Variants in RASA2 observed in about 807,000 individuals in gnomAD.
RASA2 encodes the protein ras GTPase-activating protein 2.
RASA2 carries 155 observed loss-of-function variants against 118.2 expected under a neutral mutation model. That is an observed-to-expected ratio of 1.31 (90% CI 1.15 to 1.50). The LOEUF (loss-of-function observed/expected upper bound fraction) is 1.50. Ranked by LOEUF, RASA2 falls within the 40% of genes most tolerant of loss-of-function variation. RASA2 has a pLI of 0.00. For synonymous variants in RASA2, 353 were observed against 349.1 expected (o/e 1.01, Z -0.12); for missense variants, 1,016 against 1,009.6 (o/e 1.01, Z -0.09).
At position 141,610,017 on chromosome 3, in the gene RASA2, C is replaced by T. The variant is rs926365845; in HGVS notation, c.2470C>T (p.His824Tyr). 3 of 1,603,280 alleles carry T rather than the reference C, an allele frequency of 1.9e-6. No individual in the cohort carries two copies. Among genetic ancestry groups the T allele is most frequent in the Non-Finnish European group, 2.6e-6 (3 of 1,175,230 alleles). Residue 824 changes from histidine to tyrosine, a missense_variant, in exon 23 of 24, where the codon CAT becomes TAT. Physicochemically the swap from His to Tyr is moderately conservative, Grantham distance 83. Around this residue, in one of 2 missense-constraint regions of RASA2, gnomAD observed 120 missense variants for 173.2 expected, o/e 0.69. Coordinates refer to ENST00000286364, the MANE Select transcript of RASA2 (RefSeq NM_006506.5). ...CATAATTGAGAAGCTGGATGAACCT[C>T]ATGAAAAATATAGGAAGAAAAGATC... Reference protein sequence around the residue: ...KSIIEKLDEPHEKYRKKRSSS... With the variant: ...KSIIEKLDEPYEKYRKKRSSS...
rs112021667 is a variant in RASA2, at chr3:141,589,841, CA to C, written c.1933+3099del. Among the ~76,000 whole-genome samples the C allele has an allele frequency of 8.4e-4, 107 of 127,080 alleles. 1 individual carries two copies. Among genetic ancestry groups the C allele is most frequent in the African/African-American group, 2.6e-3 (88 of 33,912 alleles). 83.4% of individuals were successfully genotyped at this position (127,080 alleles called of 152,430 possible). ...GGGTAACAGAATGAGGCTCTGTCTCCAAAAAAAAAAGAAAAAAAAAAGAATC... is the reference window on the plus strand; with the variant it reads ...GGGTAACAGAATGAGGCTCTGTCTCCAAAAAAAAAGAAAAAAAAAAGAATC... On this transcript the variant is annotated intron_variant, in intron 19 of 23. Transcript: ENST00000286364.
At chr3:141,600,552 CT>C in intron 19 of RASA2, 1 of 273,872 alleles carries the variant, frequency 3.7e-6, no homozygotes, top group Admixed American at 4.6e-5. Flanking sequence ...CCAGCTTGGC[CT>C]TCAGGATCAG....
At chr3:141,533,714 A>G (rs1269062648) in intron 4 of RASA2, among the ~76,000 whole-genome samples, 2 of 152,180 alleles carry the variant, frequency 1.3e-5, no homozygotes, top group African/African-American at 2.4e-5. Context: ...TATTGTTAGT[A>G]ACATTTCATG....
At chr3:141,582,405 G>A (rs2083129293) in intron 17 of RASA2, among the ~76,000 whole-genome samples, 1 of 152,178 alleles carries the variant, frequency 6.6e-6, no homozygotes, top group Admixed American at 6.5e-5. Context: ...TGAAACATTT[G>A]TGACACTGTA....
chr3:141,610,162 G>A (rs1027552864), intron 23 of RASA2, 96 bp downstream of exon 23: 1 of 1,070,604 alleles, frequency 9.3e-7, no homozygotes, highest in Non-Finnish European at 1.3e-6. Context: ...ACCCACATCT[G>A]TCAACATCCC....
chr3:141,519,991 T>A (rs1328729919), intron 3 of RASA2, among the ~76,000 whole-genome samples: 1 of 150,428 alleles, frequency 6.6e-6, no homozygotes, highest in African/African-American at 2.4e-5. Context: ...AAGAACAATT[T>A]CTTTTCTTTT....
intron 3 of RASA2, among the ~76,000 whole-genome samples, chr3:141,518,510 A>T (rs922651799): frequency 1.4e-5 from 2 of 147,874 alleles, no homozygotes; most frequent in Non-Finnish European, 3.0e-5. Flanking sequence ...AAAAAAAAAA[A>T]AAAAAAAATT....
chr3:141,536,899 T>G (rs1266841915), intron 4 of RASA2, among the ~76,000 whole-genome samples: 1 of 151,578 alleles, frequency 6.6e-6, no homozygotes, highest in Non-Finnish European at 1.5e-5. Flanking sequence ...AGGCATGCGC[T>G]GCCACACCCG....
chr3:141,572,461 A>G (rs1443857962), intron 11 of RASA2, 148 bp from the exon 12 acceptor site: 7 of 560,992 alleles, frequency 1.2e-5, no homozygotes, highest in Non-Finnish European at 2.2e-5. Context: ...AATGGTAAAA[A>G]TTACTAAAAT....
chr3:141,488,764 AT>A (rs2151064332), intron 1 of RASA2, among the ~76,000 whole-genome samples: 1 of 152,308 alleles, frequency 6.6e-6, no homozygotes, highest in East Asian at 1.9e-4. Flanking sequence ...CTAATTTAAC[AT>A]TTGGGAAAAC....
intron 9 of RASA2, among the ~76,000 whole-genome samples, chr3:141,566,172 GAT>G (rs1197451234): frequency 6.6e-6 from 1 of 152,192 alleles, no homozygotes; most frequent in African/African-American, 2.4e-5. Context: ...AAGGAGGAGT[GAT>G]AGAGTTATAA....
At chr3:141,565,657 G>A (rs566150384) in intron 9 of RASA2, among the ~76,000 whole-genome samples, 2 of 152,248 alleles carry the variant, frequency 1.3e-5, no homozygotes, top group East Asian at 1.9e-4. Flanking sequence ...TTTGTCTTCT[G>A]CCATGATTGC....
At position 141,611,868 on chromosome 3, in the gene RASA2, T is replaced by C. The variant is rs559164828; in HGVS notation, c.2520-415T>C. On this transcript the variant is annotated intron_variant, in intron 23 of 23. Coordinates refer to ENST00000286364, the MANE Select transcript of RASA2 (RefSeq NM_006506.5). ...TTCCAACAGTAGTAATCCAGTTTCC[T>C]TGGAGCCCTGGGAAGTTTCCATATG... Among the ~76,000 whole-genome samples the C allele has an allele frequency of 1.7e-3, 260 of 152,278 alleles. 1 individual carries two copies. Among genetic ancestry groups the C allele is most frequent in the African/African-American group, 5.9e-3 (245 of 41,564 alleles).
At chr3:141,578,512 A>G (rs1249515040) in intron 15 of RASA2, 1 of 152,234 alleles carries the variant, frequency 6.6e-6, no homozygotes, top group Non-Finnish European at 1.5e-5. Context: ...CGGCTACATG[A>G]CATTGACACT....
rs200419371 is a variant in RASA2, at chr3:141,573,927, C to G, written c.1360-17C>G. On this transcript the variant is annotated splice_polypyrimidine_tract_variant and intron_variant, in intron 13 of 23. Coordinates refer to ENST00000286364, the MANE Select transcript of RASA2 (RefSeq NM_006506.5). ...TGAACATCAAAATCTTAATGTTTAC[C>G]TTTTTAAATCCTGCAGGAGAATCTG... The G allele has an allele frequency of 1.0e-5, 16 of 1,556,022 alleles. No individual in the cohort carries two copies. The highest frequency in any genetic ancestry group is 1.2e-5 in the Non-Finnish European group (14 of 1,149,824).
At chr3:141,502,584 C>T (rs904452166) in intron 1 of RASA2, among the ~76,000 whole-genome samples, 10 of 152,106 alleles carry the variant, frequency 6.6e-5, no homozygotes, top group East Asian at 1.9e-4. Flanking sequence ...CCTCCTGGAA[C>T]GTTATCCTCC....
chr3:141,578,305 A>G (rs988058608), intron 15 of RASA2, among the ~76,000 whole-genome samples: 2 of 152,156 alleles, frequency 1.3e-5, no homozygotes, highest in African/African-American at 4.8e-5. Flanking sequence ...GCTTAATCCT[A>G]TCCCTTCCAA....
intron 9 of RASA2, among the ~76,000 whole-genome samples, chr3:141,560,969 G>T (rs2082722003): frequency 6.6e-6 from 1 of 152,086 alleles, no homozygotes; most frequent in Non-Finnish European, 1.5e-5. Context: ...CTGATATGGA[G>T]ACTCTCAAAA....
intron 19 of RASA2, among the ~76,000 whole-genome samples, chr3:141,597,086 A>G (rs2083385229): frequency 6.6e-6 from 1 of 152,124 alleles, no homozygotes; most frequent in Non-Finnish European, 1.5e-5. Context: ...AAAATATGAT[A>G]TATATATGCA....
Sources: allele counts gnomAD v4.1 joint callset (sites outside exome capture counted in the v4.1 genomes callset), GRCh38; gene constraint gnomAD v4.1.1; regional missense constraint gnomAD v4.1.1; transcripts MANE v1.5; gene names NCBI Gene and HGNC (gene_info 2026-07-23, HGNC 2026-07-21).